CLIC5: variants seen among roughly 807,000 people sequenced by gnomAD.
CLIC5 encodes CLIC family member 5, also known as chloride intracellular channel protein 5.
CLIC5 carries 20 observed loss-of-function variants against 24.7 expected under a neutral mutation model. The ratio of observed to expected loss-of-function variants is 0.81; its 90% CI spans 0.57 to 1.18. CLIC5 has a LOEUF of 1.18. Ranked by LOEUF, CLIC5 falls within the 50% of genes most tolerant of loss-of-function variation. CLIC5 has a pLI of 0.00. For synonymous variants in CLIC5, 159 were observed against 135.6 expected (o/e 1.17, Z -1.20); for missense variants, 341 against 326.1 (o/e 1.05, Z -0.35).
chr6:46,037,669 C>A (rs976288030), intron 1 of CLIC5, among the ~76,000 whole-genome samples: 4 of 152,148 alleles, frequency 2.6e-5, no homozygotes, highest in African/African-American at 9.7e-5. Flanking sequence ...ATGCTGAGGA[C>A]AATAATTCCA....
At chr6:45,967,738 A>G (rs1298703307) in intron 1 of CLIC5, among the ~76,000 whole-genome samples, 2 of 152,180 alleles carry the variant, frequency 1.3e-5, no homozygotes, top group African/African-American at 2.4e-5. Flanking sequence ...GCTTATGATC[A>G]TAGTGGAAAG....
chr6:46,126,735 T>C, the CLIC5 span, among the ~76,000 whole-genome samples: 47 of 152,330 alleles, frequency 3.1e-4, no homozygotes, highest in South Asian at 8.9e-3. Flanking sequence ...CATTCAATTA[T>C]TTAGTTTCAG....
intron 1 of CLIC5, among the ~76,000 whole-genome samples, chr6:45,998,803 C>T (rs1366189531): frequency 6.6e-6 from 1 of 152,200 alleles, no homozygotes; most frequent in East Asian, 1.9e-4. Context: ...TCGTTCAATT[C>T]CTTCTTGGAA....
intron 5 of CLIC5, among the ~76,000 whole-genome samples, chr6:45,908,406 T>C (rs1264209184): frequency 6.6e-6 from 1 of 152,148 alleles, no homozygotes; most frequent in African/African-American, 2.4e-5. Context: ...GAGGTAGGCA[T>C]TTCGTGCTAT....
chr6:45,913,843 C>T (rs1345274753), intron 5 of CLIC5: 12 of 1,226,792 alleles, frequency 9.8e-6, no homozygotes, highest in Non-Finnish European at 1.2e-5. Flanking sequence ...CATATGAGGG[C>T]ACATTTAATA....
At chr6:45,893,293 CGT>C (rs1033279848) in intron 6 of CLIC5, among the ~76,000 whole-genome samples, 2 of 150,232 alleles carry the variant, frequency 1.3e-5, no homozygotes, top group Non-Finnish European at 2.9e-5. Context: ...GAGGCAGAAT[CGT>C]GTGATACATA....
intron 4 of CLIC5, among the ~76,000 whole-genome samples, chr6:45,934,798 A>T (rs1267539869): frequency 1.3e-5 from 2 of 152,250 alleles, no homozygotes; most frequent in Non-Finnish European, 1.5e-5. Flanking sequence ...AAGGATGGTA[A>T]TTCTTGGTAG....
chr6:46,068,429 C>T (rs1762500784), intron 1 of CLIC5, among the ~76,000 whole-genome samples: 1 of 152,100 alleles, frequency 6.6e-6, no homozygotes, highest in Non-Finnish European at 1.5e-5. Flanking sequence ...TAACTTATTT[C>T]CTCCCTCCTT....
rs529248467 is a variant in CLIC5 at position 45,940,520 on chromosome 6, G to A, written c.406+1027C>T. 7.2e-5 allele frequency among the ~76,000 whole-genome samples: 11 copies of A among 152,280 alleles called. No individual in the cohort carries two copies. The South Asian group carries it at 8.3e-4, about 12-fold the overall frequency. On this transcript the variant is annotated intron_variant, in intron 4 of 5. Coordinates refer to ENST00000339561, the MANE Select transcript of CLIC5 (RefSeq NM_016929.5). Reference sequence around the variant, plus strand: ...CCATGCATAGCTGCATATGCTGGTCGCCTTGATCCAAAGAGATGCTATTCT... The same window carrying A: ...CCATGCATAGCTGCATATGCTGGTCACCTTGATCCAAAGAGATGCTATTCT...
At chr6:46,052,114 G>T (rs1768120004) in intron 1 of CLIC5, among the ~76,000 whole-genome samples, 1 of 129,416 alleles carries the variant, frequency 7.7e-6, no homozygotes, top group Non-Finnish European at 1.6e-5. Context: ...CAAAAATGAT[G>T]AGATTTCCCT....
rs144872537 is a variant in CLIC5, at chr6:45,940,121, C to G, written c.406+1426G>C. Among the ~76,000 whole-genome samples the G allele has an allele frequency of 4.9e-3, 740 of 152,268 alleles. 22 individuals are homozygous for G. Among genetic ancestry groups the G allele is most frequent in the Admixed American group, 0.043 (655 of 15,292 alleles). On this transcript the variant is annotated intron_variant, in intron 4 of 5. Transcript: ENST00000339561. Reference sequence around the variant, plus strand: ...CTGTCCCTGACTTTTTCTCAACTTCCCCGCATCTTCTGCTCAATGATCTCA... The same window carrying G: ...CTGTCCCTGACTTTTTCTCAACTTCGCCGCATCTTCTGCTCAATGATCTCA...
chr6:46,062,997 CT>C (rs1239497690), intron 1 of CLIC5, among the ~76,000 whole-genome samples: 1 of 152,124 alleles, frequency 6.6e-6, no homozygotes, highest in African/African-American at 2.4e-5. Flanking sequence ...GGTATGCTGC[CT>C]TTTGCAAAGT....
intron 6 of CLIC5, among the ~76,000 whole-genome samples, chr6:45,883,450 G>T (rs780082823): frequency 1.6e-4 from 25 of 152,174 alleles, no homozygotes; most frequent in Non-Finnish European, 2.9e-4. Context: ...AGCATGGGAG[G>T]ATGAAAGGCT....
Position 45,912,655 on chromosome 6 carries a change from C to G in CLIC5, c.588+1573G>C. 19 of 1,531,600 alleles carry G rather than the reference C, an allele frequency of 1.2e-5. No homozygotes were observed. In the South Asian group the frequency reaches 2.3e-4, roughly 18 times the overall value. 94.9% of individuals were successfully genotyped at this position (1,531,600 alleles called of 1,614,324 possible). A position where few individuals can be genotyped will look rare whatever the true frequency, so the allele number is the denominator to read the frequency against. On this transcript the variant is annotated intron_variant, in intron 5 of 5. Transcript: ENST00000339561. ...TGGCAGCAAATACAGGACCGGAACT[C>G]GGGTCTCCTGATCTTTGCATTGTAT... is the stretch of plus-strand genomic sequence containing the variant.
chr6:45,940,883 T>C (rs1483943850), intron 4 of CLIC5, among the ~76,000 whole-genome samples: 1 of 152,162 alleles, frequency 6.6e-6, no homozygotes, highest in East Asian at 1.9e-4. Flanking sequence ...CAATGCCAAA[T>C]GAAGGACTGA....
intron 2 of CLIC5, among the ~76,000 whole-genome samples, chr6:45,954,069 T>A (rs576387842): frequency 6.8e-6 from 1 of 147,960 alleles, no homozygotes. Context: ...AGGTCAGGAG[T>A]TCAAGACCAG....
chr6:46,039,933 G>A (rs1370966097), intron 1 of CLIC5, among the ~76,000 whole-genome samples: 8 of 152,174 alleles, frequency 5.3e-5, no homozygotes, highest in Admixed American at 3.3e-4. Flanking sequence ...TGTAAACCCT[G>A]GCAATTCAGA....
intron 4 of CLIC5, among the ~76,000 whole-genome samples, chr6:45,928,388 C>T (rs1340601357): frequency 6.6e-6 from 1 of 152,210 alleles, no homozygotes; most frequent in Non-Finnish European, 1.5e-5. Flanking sequence ...ATCTGTTCTA[C>T]AGGTTAACTT....
At chr6:46,121,902 C>T in the CLIC5 span, among the ~76,000 whole-genome samples, 3 of 152,100 alleles carry the variant, frequency 2.0e-5, no homozygotes, top group East Asian at 5.8e-4. Context: ...ATATATGCAC[C>T]CAATACAGGA....
Sources: allele counts gnomAD v4.1 joint callset (sites outside exome capture counted in the v4.1 genomes callset), GRCh38; gene constraint gnomAD v4.1.1; transcripts MANE v1.5; gene names NCBI Gene and HGNC (gene_info 2026-07-23, HGNC 2026-07-21).